IPO4: variants seen among roughly 807,000 people sequenced by gnomAD.
The protein encoded by IPO4 is importin 4.
In IPO4, 91 loss-of-function variants were observed where a neutral mutation model predicts 133.5. That is an observed-to-expected ratio of 0.68 (90% CI 0.58 to 0.81). The LOEUF (loss-of-function observed/expected upper bound fraction) is 0.81. Ranked by LOEUF, IPO4 falls within the 30% of genes least tolerant of loss-of-function variation. The pLI, the probability that IPO4 is intolerant of heterozygous loss-of-function variation, is 0.00. For synonymous variants in IPO4, 607 were observed against 581.6 expected (o/e 1.04, Z -0.63); for missense variants, 1,279 against 1,386.2 (o/e 0.92, Z 1.23).
At position 24,186,345 on chromosome 14, in the gene IPO4, T is replaced by A. The variant is rs754436106; in HGVS notation, c.947A>T (p.Glu316Val). Residue 316 changes from glutamate to valine, a missense_variant, in exon 10 of 30, where the codon GAA becomes GTA. Glu to Val is a moderately radical substitution (Grantham distance 121). This residue lies in a region of IPO4 where 695 missense variants were observed against 704.1 expected (regional missense o/e 0.99). Transcript: ENST00000354464. ...GQLDPEDQDS[E>V]EEELEIELMG... ...CAGCTCAATCTCCAACTCTTCCTCT[T>A]CTGAATCCTGGTCCTCGGGATCCAA... is the stretch of plus-strand genomic sequence containing the variant. The A allele has an allele frequency of 1.9e-6, 3 of 1,612,974 alleles. No homozygotes were observed. Among genetic ancestry groups the A allele is most frequent in the Non-Finnish European group, 2.5e-6 (3 of 1,179,520 alleles).
rs111835642 is a variant in IPO4 at position 24,186,526 on chromosome 14, C to G, written c.841-75G>C. On this transcript the variant is annotated intron_variant, in intron 9 of 29. Coordinates refer to ENST00000354464, the MANE Select transcript of IPO4 (RefSeq NM_024658.4). Reference sequence around the variant, plus strand: ...GGCTCACATTAAAAATTCCAGTCTTCCAGGCCATAAGGGGTCTGACAGAAA... The same window carrying G: ...GGCTCACATTAAAAATTCCAGTCTTGCAGGCCATAAGGGGTCTGACAGAAA... The G allele has an allele frequency of 1.2e-5, 18 of 1,499,528 alleles. No individual in the cohort carries two copies. The African/African-American group carries it at 1.4e-4, about 12-fold the overall frequency. 92.9% of individuals were successfully genotyped at this position (1,499,528 alleles called of 1,614,324 possible). A position where few individuals can be genotyped will look rare whatever the true frequency, so the allele number is the denominator to read the frequency against.
chr14:24,180,389 G>A lies in IPO4; in HGVS notation c.*53C>T, dbSNP rs1195074828. Reference sequence around the variant, plus strand: ...CAGAACTGAACTGGGCTGAGAGGTGGTCTTAAGGCCTGGGCAGGCTCTATT... The same window carrying A: ...CAGAACTGAACTGGGCTGAGAGGTGATCTTAAGGCCTGGGCAGGCTCTATT... On this transcript the variant is annotated 3_prime_UTR_variant, in exon 30 of 30. Transcript: ENST00000354464. The A allele has an allele frequency of 1.3e-6, 2 of 1,578,460 alleles. No individual in the cohort carries two copies. The highest frequency in any genetic ancestry group is 1.8e-5 in the Admixed American group (1 of 56,122).
At chr14:24,181,337 C>T (rs1405974023) in intron 28 of IPO4, among the ~76,000 whole-genome samples, 176 bp downstream of exon 28, 1 of 152,202 alleles carries the variant, frequency 6.6e-6, no homozygotes, top group East Asian at 1.9e-4. Context: ...GACTGGCTGC[C>T]AATCCTTGCA....
At chr14:24,184,593 G>C in intron 16 of IPO4, 57 bp downstream of exon 16, 1 of 1,448,132 alleles carries the variant, frequency 6.9e-7, no homozygotes, top group Non-Finnish European at 9.4e-7. Flanking sequence ...GTCAACACCA[G>C]GTGAGCACCA....
Position 24,186,261 on chromosome 14 carries a change from C to G in IPO4, c.1005+26G>C, listed in dbSNP as rs774355895. On this transcript the variant is annotated intron_variant, in intron 10 of 29. Coordinates refer to ENST00000354464, the MANE Select transcript of IPO4 (RefSeq NM_024658.4). ...CGTCCCACAGCCACCTAACACCTTC[C>G]CCCTCTGTCCTGCCCCACATCTCAC... 6.2e-6 allele frequency: 10 copies of G among 1,602,458 alleles called. No individual in the cohort carries two copies. The African/African-American group carries it at 1.2e-4, about 19-fold the overall frequency.
At chr14:24,187,985 G>C (rs1254380944) in intron 4 of IPO4, 189 bp from the exon 5 acceptor site, 1 of 781,276 alleles carries the variant, frequency 1.3e-6, no homozygotes, top group Non-Finnish European at 2.0e-6. Context: ...AATCTGGTAA[G>C]TTCAGTCTAA....
rs1237873023 is a variant in IPO4 at position 24,182,175 on chromosome 14, G to A, written c.2599-12C>T. On this transcript the variant is annotated splice_polypyrimidine_tract_variant and intron_variant, in intron 25 of 29. Coordinates refer to ENST00000354464, the MANE Select transcript of IPO4 (RefSeq NM_024658.4). ...GTGCAGCCCTGTTTCTGATGGGGGA[G>A]AACAGGAAGGAGTACAGATCAGCCT... 9 of 1,613,928 alleles carry A rather than the reference G, an allele frequency of 5.6e-6. No homozygotes were observed. The highest frequency in any genetic ancestry group is 7.6e-6 in the Non-Finnish European group (9 of 1,179,972).
chr14:24,182,058 G>T lies in IPO4; in HGVS notation c.2704C>A (p.Pro902Thr). ...ASAQFVSRLL[P>T]VLLSTAQEAD... Reference sequence around the variant, plus strand: ...TCTTGGGCGGTGCTCAACAGCACAGGGAGCAGCCGAGACACAAACTGGGCT... The same window carrying T: ...TCTTGGGCGGTGCTCAACAGCACAGTGAGCAGCCGAGACACAAACTGGGCT... The change falls in exon 26 of 30, where the codon CCT becomes ACT. Residue 902 changes from proline (P) to threonine (T), a missense_variant. Transcript: ENST00000354464. The T allele has an allele frequency of 1.2e-6, 2 of 1,613,770 alleles. No homozygotes were observed. Among genetic ancestry groups the T allele is most frequent in the Non-Finnish European group, 1.7e-6 (2 of 1,180,036 alleles).
At position 24,188,718 on chromosome 14, in the gene IPO4, C is replaced by A; in HGVS notation, c.69+1G>T. On this transcript the variant is annotated splice_donor_variant, in intron 1 of 29. Transcript: ENST00000354464. LOFTEE classifies it high-confidence loss of function. ...CTGGCCCGGTTACGCCTGCTCCGTA[C>A]CCGACGGATGCGCTCGGTGTCCGGT... 6.3e-7 allele frequency: 1 copy of A among 1,576,056 alleles called. No homozygotes were observed. Among genetic ancestry groups the A allele is most frequent in the South Asian group, 1.1e-5 (1 of 86,998 alleles).
rs2039201165 is a variant in IPO4 at position 24,185,190 on chromosome 14, C to G, written c.1401G>C (p.Glu467Asp). The G allele has an allele frequency of 7.4e-6, 12 of 1,614,058 alleles. No homozygotes were observed. The East Asian group carries it at 2.2e-4, about 30-fold the overall frequency. ...KACYALENFV[E>D]NLGPKVQPYL... is the part of the protein sequence containing the mutation. ...CCCCACTGCCATCACTACCTAGGTT[C>G]TCCACAAAATTCTCCAGGGCATAGC... The change falls in exon 14 of 30, where the codon GAG becomes GAC. Residue 467 changes from glutamate (E) to aspartate (D), a missense_variant. Glu to Asp is a conservative substitution (Grantham distance 45). This residue lies in a region of IPO4 where 695 missense variants were observed against 704.1 expected (regional missense o/e 0.99). Coordinates refer to ENST00000354464, the MANE Select transcript of IPO4 (RefSeq NM_024658.4).
chr14:24,186,597 C>A, intron 9 of IPO4, 111 bp downstream of exon 9: 1 of 1,354,840 alleles, frequency 7.4e-7, no homozygotes, highest in Non-Finnish European at 1.0e-6. Context: ...CAGGCCAAGG[C>A]TTGAACCCCC....
Position 24,185,528 on chromosome 14 carries a change from C to T in IPO4, c.1209G>A (p.Leu403=), listed in dbSNP as rs755136000. ...TGCGTACAACTTGCGAGGGGTCCTC[C>T]AGGCCCTTGCACACAATCTGCAGCA... ...PPLLQIVCKG[L]EDPSQVVRNA... The change falls in exon 13 of 30, where the codon CTG becomes CTA. Residue 403 remains leucine (L), a synonymous_variant. Transcript: ENST00000354464. 4.3e-6 allele frequency: 7 copies of T among 1,614,188 alleles called. No homozygotes were observed. Among genetic ancestry groups the T allele is most frequent in the South Asian group, 3.3e-5 (3 of 91,090 alleles).
At position 24,180,480 on chromosome 14, in the gene IPO4, T is replaced by C. The variant is rs2039114140; in HGVS notation, c.3208A>G (p.Lys1070Glu). The change falls in exon 30 of 30, where the codon AAG becomes GAG. Residue 1070 changes from lysine (K) to glutamate (E), a missense_variant. Coordinates refer to ENST00000354464, the MANE Select transcript of IPO4 (RefSeq NM_024658.4). The part of the protein sequence containing the change: ...QAALGSLPVD[K>E]AQELQAVLGL... Reference sequence around the variant, plus strand: ...AGTACAGCCTGGAGCTCCTGAGCCTTGTCAACAGGCAGTGAGCCCAGAGCT... The same window carrying C: ...AGTACAGCCTGGAGCTCCTGAGCCTCGTCAACAGGCAGTGAGCCCAGAGCT... 4.3e-6 allele frequency: 7 copies of C among 1,613,630 alleles called. No individual in the cohort carries two copies. The highest frequency in any genetic ancestry group is 5.9e-6 in the Non-Finnish European group (7 of 1,179,764).
chr14:24,182,016 G>A lies in IPO4; in HGVS notation c.2746C>T (p.Arg916Ter), dbSNP rs767458231. 10 of 1,613,180 alleles carry A rather than the reference G, an allele frequency of 6.2e-6. No individual in the cohort carries two copies. Among genetic ancestry groups the A allele is most frequent in the East Asian group, 2.2e-5 (1 of 44,886 alleles). ...CCCATCCCGAAGATGGCATTGCTTC[G>A]CACCTCGGGGTCTGCCTCTTGGGCG... ...STAQEADPEVRSNAIFGMGVL... is the reference protein window; with the variant it reads ...STAQEADPEV The change falls in exon 26 of 30, where the codon CGA becomes TGA. Residue 916 changes from arginine (R) to a stop codon, truncating the protein, a stop_gained. Transcript: ENST00000354464. LOFTEE classifies it high-confidence loss of function.
Position 24,182,157 on chromosome 14 carries a change from C to A in IPO4, c.2605G>T (p.Gly869Cys). ...AAGGACTTCTCTGCCACTGTGCAGC[C>A]CTGTTTCTGATGGGGGAGAACAGGA... is the stretch of plus-strand genomic sequence containing the variant. ...LPLLVCKTKQ[G>C]CTVAEKSFAV... The change falls in exon 26 of 30, where the codon GGC (glycine) becomes TGC (cysteine). Residue 869 changes from glycine (G) to cysteine (C), a missense_variant. Physicochemically the swap from Gly to Cys is radical, Grantham distance 159. Transcript: ENST00000354464. 1 of 1,614,098 alleles carries A rather than the reference C, an allele frequency of 6.2e-7. No homozygotes were observed. The highest frequency in any genetic ancestry group is 1.1e-5 in the South Asian group (1 of 91,088).
chr14:24,184,398 G>A lies in IPO4; in HGVS notation c.1657C>T (p.Arg553Ter), dbSNP rs375504986. 22 of 1,609,774 alleles carry A rather than the reference G, an allele frequency of 1.4e-5. No individual in the cohort carries two copies. Among genetic ancestry groups the A allele is most frequent in the Non-Finnish European group, 1.8e-5 (21 of 1,178,596 alleles). The change falls in exon 17 of 30, where the codon CGA becomes TGA. Residue 553 changes from arginine (R) to a stop codon, truncating the protein, a stop_gained. Transcript: ENST00000354464. LOFTEE classifies it high-confidence loss of function. ...QSLETLGVLARAVGEPMRPLA... is the reference protein window; with the variant it reads ...QSLETLGVLA ...GGCCTCATGGGCTCCCCCACTGCTC[G>A]TGCCAGCACCCCCAGTGTCTCTGTG...
rs370298999 is a variant in IPO4, at chr14:24,183,396, C to A, written c.2122-41G>T. The A allele has an allele frequency of 2.5e-6, 4 of 1,594,052 alleles. No individual in the cohort carries two copies. In the African/African-American group the frequency reaches 4.0e-5, roughly 16 times the overall value. ...GGGCGGGATATGTCTGCTATGTGCA[C>A]CGTGAACACAGGGCCCCCAGCCTGA... On this transcript the variant is annotated intron_variant, in intron 21 of 29. Transcript: ENST00000354464.
intron 28 of IPO4, 41 bp from the exon 29 acceptor site, chr14:24,180,799 A>ACC: frequency 6.3e-7 from 1 of 1,592,346 alleles, no homozygotes; most frequent in East Asian, 2.2e-5. Context: ...GCAGCCCCAG[A>ACC]CCCCAGGTCT....
chr14:24,182,563 C>T (rs1283096866), intron 24 of IPO4, 160 bp from the exon 25 acceptor site: 2 of 1,081,890 alleles, frequency 1.8e-6, no homozygotes, highest in East Asian at 4.9e-5. Flanking sequence ...AGCTTCTTCC[C>T]CTGGCTCTTC....
Sources: allele counts gnomAD v4.1 joint callset (sites outside exome capture counted in the v4.1 genomes callset), GRCh38; gene constraint gnomAD v4.1.1; regional missense constraint gnomAD v4.1.1; transcripts MANE v1.5; gene names NCBI Gene and HGNC (gene_info 2026-07-23, HGNC 2026-07-21).